GAS7: variants seen among roughly 807,000 people sequenced by gnomAD.
The protein encoded by GAS7 is growth arrest specific 7, also known as growth arrest-specific protein 7.
In GAS7, 28 loss-of-function variants were observed where a neutral mutation model predicts 71.1. The observed-to-expected ratio is 0.39, with a 90% CI of 0.29 to 0.54. The LOEUF (loss-of-function observed/expected upper bound fraction) is 0.54. Among genes scored for constraint, GAS7 ranks in the 20% least tolerant of loss-of-function variants. The pLI, the probability that GAS7 is intolerant of heterozygous loss-of-function variation, is 0.62. For synonymous variants in GAS7, 258 were observed against 245.8 expected (o/e 1.05, Z -0.46); for missense variants, 436 against 627.8 (o/e 0.69, Z 3.27).
At chr17:9,996,211 C>T (rs1567868782) in intron 2 of GAS7, among the ~76,000 whole-genome samples, 1 of 152,080 alleles carries the variant, frequency 6.6e-6, no homozygotes, top group Non-Finnish European at 1.5e-5. Context: ...GAAAATGTGG[C>T]ACATATACAC....
At chr17:10,035,044 G>A (rs1316067186) in intron 1 of GAS7, among the ~76,000 whole-genome samples, 1 of 151,978 alleles carries the variant, frequency 6.6e-6, no homozygotes, top group Non-Finnish European at 1.5e-5. Flanking sequence ...GCCCACTTCA[G>A]CTTGGGGGCA....
intron 1 of GAS7, among the ~76,000 whole-genome samples, chr17:10,067,532 A>G (rs1431341903): frequency 6.6e-6 from 1 of 151,994 alleles, no homozygotes; most frequent in Non-Finnish European, 1.5e-5. Flanking sequence ...CCGCCACCAC[A>G]CCTGGCCAAG....
chr17:10,098,860 G>A (rs1034323821), intron 1 of GAS7, among the ~76,000 whole-genome samples: 8 of 152,226 alleles, frequency 5.3e-5, no homozygotes, highest in African/African-American at 1.4e-4. Flanking sequence ...TTGGGAGGCT[G>A]AGGCAGAATG....
intron 1 of GAS7, among the ~76,000 whole-genome samples, chr17:10,099,075 AG>A (rs2073672468): frequency 6.6e-6 from 1 of 152,234 alleles, no homozygotes. Context: ...AGCTAGTAGC[AG>A]GACTTTCTCT....
chr17:10,176,776 C>T (rs536378373), intron 1 of GAS7, among the ~76,000 whole-genome samples: 4 of 152,244 alleles, frequency 2.6e-5, no homozygotes, highest in African/African-American at 9.6e-5. Flanking sequence ...CCTTGTTCTC[C>T]AGGAGCCAGT....
chr17:10,192,524 GA>G (rs1269169871), intron 1 of GAS7, among the ~76,000 whole-genome samples: 1 of 152,216 alleles, frequency 6.6e-6, no homozygotes, highest in Non-Finnish European at 1.5e-5. Context: ...TCCAGACTGA[GA>G]AGAGTACGTG....
chr17:10,080,142 C>T (rs1340082899), intron 1 of GAS7, among the ~76,000 whole-genome samples: 2 of 152,120 alleles, frequency 1.3e-5, no homozygotes, highest in Non-Finnish European at 2.9e-5. Context: ...CCAAAGAAGC[C>T]GGCCAAAACC....
At chr17:10,081,357 T>C (rs1054164507) in intron 1 of GAS7, among the ~76,000 whole-genome samples, 6 of 152,182 alleles carry the variant, frequency 3.9e-5, no homozygotes, top group Admixed American at 2.0e-4. Flanking sequence ...GGTTTCACCA[T>C]GTTGGTCAGG....
At chr17:10,024,082 C>T (rs2072374096) in intron 1 of GAS7, among the ~76,000 whole-genome samples, 1 of 152,110 alleles carries the variant, frequency 6.6e-6, no homozygotes, top group Non-Finnish European at 1.5e-5. Context: ...CAAGACTGCG[C>T]CATTGTACTC....
chr17:10,080,068 G>C (rs903994046), intron 1 of GAS7, among the ~76,000 whole-genome samples: 1 of 152,170 alleles, frequency 6.6e-6, no homozygotes, highest in African/African-American at 2.4e-5. Flanking sequence ...CTAAGTCACA[G>C]GATGAGATAG....
intron 1 of GAS7, among the ~76,000 whole-genome samples, chr17:10,176,330 G>A (rs1446067409): frequency 2.6e-5 from 4 of 152,256 alleles, no homozygotes; most frequent in East Asian, 3.9e-4. Context: ...TGGTTGAGTC[G>A]GGACAGCTGG....
At chr17:10,173,122 T>G (rs1052407892) in intron 1 of GAS7, among the ~76,000 whole-genome samples, 20 of 152,126 alleles carry the variant, frequency 1.3e-4, no homozygotes, top group African/African-American at 4.8e-4. Context: ...ACACCTAGAA[T>G]AGGCAGATGC....
chr17:10,187,428 T>C lies in GAS7; in HGVS notation c.183+10780A>G, dbSNP rs373981867. Among the ~76,000 whole-genome samples, 31 of 152,328 alleles carry C rather than the reference T, an allele frequency of 2.0e-4. No homozygotes were observed. The South Asian group carries it at 6.2e-3, about 31-fold the overall frequency. On this transcript the variant is annotated intron_variant, in intron 1 of 13. Transcript: ENST00000432992. ...TTCAGAATATTTCTGTTACTCCTCA[T>C]TCACTGCTCAAATTCATCATTACTT...
chr17:10,132,245 T>C (rs62066705), intron 1 of GAS7, among the ~76,000 whole-genome samples: 1 of 152,100 alleles, frequency 6.6e-6, no homozygotes, highest in Admixed American at 6.5e-5. Context: ...TGCCCATAAC[T>C]AAATACTTCT....
At chr17:9,962,239 T>TACAC (rs58521200) in intron 4 of GAS7, among the ~76,000 whole-genome samples, 43,130 of 148,522 alleles carry the variant, frequency 0.29, 6,310 homozygotes, top group Non-Finnish European at 0.32. Flanking sequence ...GTGCATTTTA[T>TACAC]ACACACACAC....
chr17:9,990,046 G>A (rs1213014516), intron 2 of GAS7, among the ~76,000 whole-genome samples: 2 of 152,040 alleles, frequency 1.3e-5, no homozygotes, highest in African/African-American at 2.4e-5. Context: ...GAGGTGGACG[G>A]ATCATGAGGT....
At chr17:10,108,066 CA>C (rs1310160141) in intron 1 of GAS7, among the ~76,000 whole-genome samples, 2 of 151,760 alleles carry the variant, frequency 1.3e-5, no homozygotes, top group Non-Finnish European at 2.9e-5. Flanking sequence ...TACCATAGTC[CA>C]GAGGGGGTCT....
rs547414496 is a variant in GAS7, at chr17:10,124,017, G to A, written c.183+74191C>T. Among the ~76,000 whole-genome samples the A allele has an allele frequency of 3.9e-5, 6 of 152,354 alleles. No homozygotes were observed. The East Asian group carries it at 9.7e-4, about 25-fold the overall frequency. ...CTTGCCAGGCCTCGCAGGGCTGGCT[G>A]AAGAAGCTGGACTCTGTCCTGGGGC... is the stretch of plus-strand genomic sequence containing the variant. On this transcript the variant is annotated intron_variant, in intron 1 of 13. Transcript: ENST00000432992.
chr17:10,058,819 T>C (rs8071787), intron 1 of GAS7, among the ~76,000 whole-genome samples: 6,902 of 152,252 alleles, frequency 0.045, 559 homozygotes, highest in African/African-American at 0.16. Flanking sequence ...GGTGGGGAAA[T>C]AGAGCCTCAG....
Sources: allele counts gnomAD v4.1 joint callset (sites outside exome capture counted in the v4.1 genomes callset), GRCh38; gene constraint gnomAD v4.1.1; transcripts MANE v1.5; gene names NCBI Gene and HGNC (gene_info 2026-07-23, HGNC 2026-07-21).